SRGAP2B: variants seen among roughly 807,000 people sequenced by gnomAD.
SRGAP2B encodes the protein SLIT-ROBO Rho GTPase-activating protein 2B.
SRGAP2B carries 9 observed loss-of-function variants against 22.2 expected under a neutral mutation model. The ratio of observed to expected loss-of-function variants is 0.41; its 90% CI spans 0.24 to 0.71. The LOEUF is 0.71. Among genes scored for constraint, SRGAP2B ranks in the 30% least tolerant of loss-of-function variants. The pLI is 0.35. For synonymous variants in SRGAP2B, 36 were observed against 87.4 expected (o/e 0.41, Z 3.28); for missense variants, 114 against 235.8 (o/e 0.48, Z 3.38).
chr1:145,076,886 G>A (rs587667775), intron 2 of SRGAP2B, among the ~76,000 whole-genome samples: 10 of 143,364 alleles, frequency 7.0e-5, no homozygotes, highest in African/African-American at 1.3e-4. Flanking sequence ...GCATGTGAAT[G>A]CATAATTATC....
intron 2 of SRGAP2B, among the ~76,000 whole-genome samples, chr1:145,001,791 T>C (rs1292209310): frequency 2.0e-5 from 3 of 150,686 alleles, no homozygotes; most frequent in African/African-American, 7.5e-5. Flanking sequence ...GAAGCCAAGG[T>C]GGGCCGATTA....
chr1:144,924,506 C>T (rs1207802734), intron 4 of SRGAP2B, among the ~76,000 whole-genome samples: 1 of 149,372 alleles, frequency 6.7e-6, no homozygotes, highest in South Asian at 2.1e-4. Context: ...TTTGGGAGGC[C>T]GAGGCGGGCG....
chr1:144,990,720 G>A (rs1553616873), intron 3 of SRGAP2B, among the ~76,000 whole-genome samples: 5 of 151,028 alleles, frequency 3.3e-5, no homozygotes, highest in Admixed American at 6.6e-5. Context: ...GTGGGCTTGG[G>A]CTTGGTGGGC....
chr1:144,944,942 T>G (rs1306820595), intron 4 of SRGAP2B, among the ~76,000 whole-genome samples: 2 of 147,950 alleles, frequency 1.4e-5, no homozygotes, highest in Non-Finnish European at 3.0e-5. Flanking sequence ...GTATTTTTAG[T>G]AGAGACGGGG....
intron 4 of SRGAP2B, among the ~76,000 whole-genome samples, chr1:144,930,526 G>A (rs1489862981): frequency 2.1e-5 from 3 of 145,898 alleles, no homozygotes; most frequent in South Asian, 2.2e-4. Flanking sequence ...AACTCTACAA[G>A]AAATTCTAAA....
intron 2 of SRGAP2B, among the ~76,000 whole-genome samples, chr1:145,016,696 C>T (rs1259131432): frequency 8.9e-6 from 1 of 112,020 alleles, no homozygotes; most frequent in Non-Finnish European, 1.8e-5. Flanking sequence ...GTTCTGGACC[C>T]TGAACACACT....
intron 4 of SRGAP2B, among the ~76,000 whole-genome samples, chr1:144,941,566 A>C (rs1368415590): frequency 6.7e-5 from 10 of 150,206 alleles, no homozygotes; most frequent in Admixed American, 6.6e-4. Flanking sequence ...GAAAGGTAGG[A>C]TCTAGTAGAA....
intron 3 of SRGAP2B, among the ~76,000 whole-genome samples, chr1:144,973,195 T>C (rs1297899776): frequency 1.3e-5 from 2 of 149,526 alleles, no homozygotes; most frequent in African/African-American, 5.1e-5. Context: ...GAAAGTATTG[T>C]TCTCAGCTAT....
chr1:145,044,860 G>A (rs1157392424), intron 2 of SRGAP2B, among the ~76,000 whole-genome samples: 3 of 148,348 alleles, frequency 2.0e-5, no homozygotes, highest in African/African-American at 7.6e-5. Context: ...GAGGTATCAT[G>A]TTGCCCAGCA....
rs1389183936 is a variant in SRGAP2B, at chr1:144,917,636, G to A, written c.424-2882C>T. 1.0e-4 allele frequency among the ~76,000 whole-genome samples: 15 copies of A among 146,030 alleles called. 1 individual carries two copies. The highest frequency in any genetic ancestry group is 3.9e-4 in the African/African-American group (14 of 35,906). On this transcript the variant is annotated intron_variant, in intron 4 of 9. Coordinates refer to ENST00000612199, the Ensembl canonical transcript of SRGAP2B. ...CTTTCATGTACTGATGAGTTGGGAG[G>A]ACCACTCAACTATTATCCCTGTTTA...
At chr1:144,928,404 G>GTTATTTATTTAT (rs1267611455) in intron 4 of SRGAP2B, among the ~76,000 whole-genome samples, 2 of 116,182 alleles carry the variant, frequency 1.7e-5, no homozygotes, top group African/African-American at 6.4e-5. Flanking sequence ...CCACTTTTTG[G>GTTATTTATTTAT]TTATTTATTT....
At chr1:144,942,391 T>C (rs1553607525) in intron 4 of SRGAP2B, among the ~76,000 whole-genome samples, 1 of 148,544 alleles carries the variant, frequency 6.7e-6, no homozygotes, top group African/African-American at 2.6e-5. Context: ...TCCTCTCCTT[T>C]TCTCAGAGAG....
chr1:145,035,873 C>A (rs1471283127), intron 2 of SRGAP2B, among the ~76,000 whole-genome samples: 1 of 148,038 alleles, frequency 6.8e-6, no homozygotes, highest in Non-Finnish European at 1.5e-5. Context: ...TTTACTAAAA[C>A]CTTCTTGGGG....
rs1454070820 is a variant in SRGAP2B, at chr1:144,976,034, C to T, written c.260+18974G>A. 2.5e-4 allele frequency among the ~76,000 whole-genome samples: 37 copies of T among 149,176 alleles called. 2 individuals are homozygous for T. Among genetic ancestry groups the T allele is most frequent in the Admixed American group, 1.7e-3 (25 of 14,976 alleles). ...GACCACAGGCGCCTGCCACCATGCC[C>T]GGCTAATTTTTTTTTTTTGTATTTT... On this transcript the variant is annotated intron_variant, in intron 3 of 9. Coordinates refer to ENST00000612199, the Ensembl canonical transcript of SRGAP2B.
chr1:144,972,660 T>C (rs1396061999), intron 3 of SRGAP2B, among the ~76,000 whole-genome samples: 1 of 141,360 alleles, frequency 7.1e-6, no homozygotes, highest in Non-Finnish European at 1.5e-5. Flanking sequence ...GGTAATTTTA[T>C]GCACACCAAA....
chr1:144,967,147 G>C (rs1448210823), intron 3 of SRGAP2B, among the ~76,000 whole-genome samples: 1 of 100,152 alleles, frequency 1.0e-5, no homozygotes. Context: ...GGACCTAATA[G>C]ACATCTACAG....
intron 4 of SRGAP2B, among the ~76,000 whole-genome samples, chr1:144,954,815 G>T (rs1302204055): frequency 2.0e-5 from 3 of 150,086 alleles, no homozygotes; most frequent in Non-Finnish European, 2.9e-5. Flanking sequence ...AGTTCCGAAA[G>T]CATTCAGAGA....
At chr1:144,957,839 C>A (rs1667378113) in intron 3 of SRGAP2B, among the ~76,000 whole-genome samples, 1 of 147,088 alleles carries the variant, frequency 6.8e-6, no homozygotes, top group Non-Finnish European at 1.5e-5. Flanking sequence ...CGGCAAGATA[C>A]CCATGTCCTC....
At chr1:145,047,175 CAAAAAAAAAAAAA>C (rs4058382) in intron 2 of SRGAP2B, among the ~76,000 whole-genome samples, 1 of 14,576 alleles carries the variant, frequency 6.9e-5, no homozygotes, top group Non-Finnish European at 1.1e-4. Context: ...GACTCTGTCT[CAAAAAAAAAAAAA>C]AAAAAAAAAA....
Sources: gnomAD v4.1 joint callset for allele counts (sites outside exome capture counted in the v4.1 genomes callset) on GRCh38, gnomAD v4.1.1 for gene constraint, MANE v1.5 for transcripts, NCBI Gene and HGNC (gene_info 2026-07-23, HGNC 2026-07-21) for gene names.